The following CPQ variants were observed in gnomAD, a reference collection of about 807,000 sequenced individuals.
CPQ encodes Ser-Met dipeptidase.
Under a neutral mutation model 45.7 loss-of-function variants are expected in CPQ, and 37 were observed. The observed-to-expected ratio is 0.81, with a 90% CI of 0.62 to 1.07. CPQ has a LOEUF of 1.07. Among genes scored for constraint, CPQ ranks in the 50% least tolerant of loss-of-function variants. The pLI, the probability that CPQ is intolerant of heterozygous loss-of-function variation, is 0.00. For missense variants in CPQ, 537 were observed against 572.9 expected, an observed-to-expected ratio of 0.94 and a Z score of 0.64; for synonymous variants, 186 against 205.8, an observed-to-expected ratio of 0.90 and a Z score of 0.82.
chr8:96,918,114 G>C (rs1399440524), intron 4 of CPQ, among the ~76,000 whole-genome samples: 2 of 152,074 alleles, frequency 1.3e-5, no homozygotes, highest in East Asian at 1.9e-4. Flanking sequence ...GACAATTCGT[G>C]CTGATAGGCT....
chr8:96,992,940 G>T (rs1809119618), intron 5 of CPQ, among the ~76,000 whole-genome samples: 1 of 152,064 alleles, frequency 6.6e-6, no homozygotes, highest in Non-Finnish European at 1.5e-5. Context: ...TACACAAATG[G>T]GCAGAACACA....
intron 3 of CPQ, among the ~76,000 whole-genome samples, chr8:96,846,913 A>C (rs985210467): frequency 5.9e-5 from 9 of 152,186 alleles, no homozygotes; most frequent in African/African-American, 2.2e-4. Context: ...TAGTCTTTTT[A>C]GTATTTTATG....
At chr8:96,736,624 G>C (rs1197467921) in intron 1 of CPQ, among the ~76,000 whole-genome samples, 1 of 152,114 alleles carries the variant, frequency 6.6e-6, no homozygotes, top group Non-Finnish European at 1.5e-5. Flanking sequence ...CTTACTGATA[G>C]GGATGGAAAA....
chr8:97,122,741 C>T (rs985643621), intron 7 of CPQ, among the ~76,000 whole-genome samples: 101 of 151,028 alleles, frequency 6.7e-4, no homozygotes, highest in African/African-American at 1.9e-3. Context: ...ATAAATTAGC[C>T]GGACATGGTG....
intron 1 of CPQ, among the ~76,000 whole-genome samples, chr8:96,676,497 A>G (rs1035609109): frequency 3.3e-5 from 5 of 151,742 alleles, no homozygotes; most frequent in African/African-American, 1.2e-4. Flanking sequence ...ATTCTTTTTT[A>G]TGGCTGAGTA....
chr8:97,048,631 T>C (rs1810301943), intron 6 of CPQ, among the ~76,000 whole-genome samples: 2 of 152,208 alleles, frequency 1.3e-5, no homozygotes, highest in Admixed American at 1.3e-4. Context: ...AAACTGCACC[T>C]GCCAGAATGG....
At chr8:96,716,751 TACA>T (rs1461394172) in intron 1 of CPQ, among the ~76,000 whole-genome samples, 2 of 151,828 alleles carry the variant, frequency 1.3e-5, no homozygotes, top group Non-Finnish European at 2.9e-5. Flanking sequence ...CTACTAAAAA[TACA>T]ACATTAGCTG....
At chr8:96,684,842 T>C (rs911731604) in intron 1 of CPQ, among the ~76,000 whole-genome samples, 1 of 151,952 alleles carries the variant, frequency 6.6e-6, no homozygotes, top group African/African-American at 2.4e-5. Context: ...GGCTCACGCC[T>C]GTCTCCCAGC....
intron 6 of CPQ, among the ~76,000 whole-genome samples, chr8:97,043,141 C>A (rs1283306926): frequency 1.3e-5 from 2 of 152,106 alleles, no homozygotes; most frequent in Non-Finnish European, 2.9e-5. Flanking sequence ...GTAAGTCACT[C>A]AGGGCTTGCT....
chr8:97,083,671 T>C (rs893738071), intron 7 of CPQ, among the ~76,000 whole-genome samples: 3 of 152,108 alleles, frequency 2.0e-5, no homozygotes, highest in African/African-American at 7.2e-5. Context: ...TGATTATAGG[T>C]GATAAGAGTC....
intron 4 of CPQ, among the ~76,000 whole-genome samples, chr8:96,902,595 G>A (rs188553633): frequency 1.1e-3 from 168 of 152,166 alleles, no homozygotes; most frequent in Middle Eastern, 6.8e-3. Flanking sequence ...CATCCATCTG[G>A]GCCCACTGCA....
intron 7 of CPQ, among the ~76,000 whole-genome samples, chr8:97,139,945 A>C (rs1254912992): frequency 6.6e-6 from 1 of 151,926 alleles, no homozygotes; most frequent in African/African-American, 2.4e-5. Flanking sequence ...GTATCCAAAA[A>C]ATGAAAGTCA....
At chr8:97,027,294 C>G (rs1809820381) in intron 5 of CPQ, among the ~76,000 whole-genome samples, 1 of 151,974 alleles carries the variant, frequency 6.6e-6, no homozygotes, top group African/African-American at 2.4e-5. Flanking sequence ...GTAGTGGGCA[C>G]TCTAGAATTC....
chr8:96,849,520 T>C (rs1361448009), intron 3 of CPQ, among the ~76,000 whole-genome samples: 1 of 152,206 alleles, frequency 6.6e-6, no homozygotes, highest in Non-Finnish European at 1.5e-5. Flanking sequence ...CACATCCCTG[T>C]AAACCCAAGC....
At chr8:96,897,110 G>A (rs1473468395) in intron 4 of CPQ, among the ~76,000 whole-genome samples, 2 of 152,122 alleles carry the variant, frequency 1.3e-5, no homozygotes, top group Non-Finnish European at 2.9e-5. Context: ...TAGACATAGT[G>A]TTTTAAGGAC....
chr8:96,764,057 A>G (rs559348875), intron 1 of CPQ, among the ~76,000 whole-genome samples: 1 of 152,340 alleles, frequency 6.6e-6, no homozygotes, highest in South Asian at 2.1e-4. Context: ...AAGAGTACAA[A>G]TAAATGTTTT....
At chr8:97,042,586 A>C (rs1333622014) in intron 6 of CPQ, among the ~76,000 whole-genome samples, 1 of 150,712 alleles carries the variant, frequency 6.6e-6, no homozygotes, top group Non-Finnish European at 1.5e-5. Context: ...TTAGGGTGTC[A>C]ATTTTGGATC....
chr8:96,725,381 A>C (rs1165082600), intron 1 of CPQ, among the ~76,000 whole-genome samples: 1 of 152,174 alleles, frequency 6.6e-6, no homozygotes, highest in Non-Finnish European at 1.5e-5. Context: ...TAAGCAATTC[A>C]ACAAACCAAA....
At chr8:96,655,179 C>T (rs953022904) in intron 1 of CPQ, among the ~76,000 whole-genome samples, 7 of 151,886 alleles carry the variant, frequency 4.6e-5, no homozygotes, top group Admixed American at 1.3e-4. Flanking sequence ...TTTTCTCTCT[C>T]TTCGTCTTCT....
Sources: allele counts gnomAD v4.1 joint callset (sites outside exome capture counted in the v4.1 genomes callset), GRCh38; gene constraint gnomAD v4.1.1; transcripts MANE v1.5; gene names NCBI Gene and HGNC (gene_info 2026-07-23, HGNC 2026-07-21).